COL28A1: variants seen among roughly 807,000 people sequenced by gnomAD.
The protein encoded by COL28A1 is collagen type XXVIII alpha 1 chain, also known as collagen alpha-1(XXVIII) chain.
COL28A1 carries 161 observed loss-of-function variants against 150.2 expected under a neutral mutation model. The observed-to-expected ratio is 1.07, with a 90% CI of 0.94 to 1.22. The LOEUF is 1.22. COL28A1 is among the 50% of genes most tolerant of loss of function. The probability of loss-of-function intolerance (pLI) is 0.00; values close to 1 mark genes in which losing one functional copy is unlikely to be tolerated. For missense variants in COL28A1, 1,617 were observed against 1,388.3 expected, an observed-to-expected ratio of 1.16 and a Z score of -2.62; for synonymous variants, 552 against 469.7, an observed-to-expected ratio of 1.18 and a Z score of -2.26.
At position 7,520,237 on chromosome 7, in the gene COL28A1, C is replaced by G; in HGVS notation, c.760-122G>C. On this transcript the variant is annotated intron_variant, in intron 5 of 34. Transcript: ENST00000399429. ...GGAGAATTGTAAAACCTTTACCTGC[C>G]AAGCAGAAATTCAATTCTCTTCTCC... 7.4e-6 allele frequency: 4 copies of G among 543,420 alleles called. No homozygotes were observed. In the South Asian group the frequency reaches 1.4e-4, roughly 19 times the overall value. 33.7% of individuals were successfully genotyped at this position (543,420 alleles called of 1,614,324 possible).
intron 20 of COL28A1, 21 bp downstream of exon 20, chr7:7,443,564 C>G: frequency 6.2e-7 from 1 of 1,613,806 alleles, no homozygotes; most frequent in South Asian, 1.1e-5. Context: ...GCTGCTTCCA[C>G]CAACACTGTC....
the COL28A1 span, among the ~76,000 whole-genome samples, chr7:7,541,366 T>C: frequency 6.6e-6 from 1 of 152,232 alleles, no homozygotes; most frequent in Non-Finnish European, 1.5e-5. Context: ...TACTAAATTC[T>C]ACACAGAAAT....
intron 33 of COL28A1, among the ~76,000 whole-genome samples, chr7:7,362,265 T>A (rs1306851818): frequency 1.3e-5 from 2 of 152,244 alleles, no homozygotes; most frequent in Non-Finnish European, 2.9e-5. Context: ...TTTGCAAATT[T>A]TTCCTTGGAT....
At chr7:7,464,461 G>C (rs1314695820) in intron 15 of COL28A1, among the ~76,000 whole-genome samples, 1 of 152,164 alleles carries the variant, frequency 6.6e-6, no homozygotes, top group African/African-American at 2.4e-5. Flanking sequence ...ATACCAAGCA[G>C]TCTTTCAGAC....
chr7:7,427,082 A>G (rs1236227417), intron 25 of COL28A1, among the ~76,000 whole-genome samples: 1 of 152,244 alleles, frequency 6.6e-6, no homozygotes, highest in Non-Finnish European at 1.5e-5. Flanking sequence ...ACTCATAAGA[A>G]GAGAAATACA....
At chr7:7,542,219 A>G in the COL28A1 span, among the ~76,000 whole-genome samples, 1 of 152,174 alleles carries the variant, frequency 6.6e-6, no homozygotes, top group Non-Finnish European at 1.5e-5. Context: ...GTGGTGGTGC[A>G]TGCCTGTAAT....
chr7:7,506,380 C>A (rs560308443), intron 10 of COL28A1, among the ~76,000 whole-genome samples: 22 of 152,256 alleles, frequency 1.4e-4, no homozygotes, highest in African/African-American at 5.3e-4. Context: ...TAAGTATCTT[C>A]TTTTTTAAAA....
chr7:7,476,550 C>G (rs1050306565), intron 14 of COL28A1, among the ~76,000 whole-genome samples: 1 of 152,196 alleles, frequency 6.6e-6, no homozygotes, highest in Non-Finnish European at 1.5e-5. Flanking sequence ...AAAATATTTG[C>G]TATCTGCCCC....
chr7:7,369,560 T>A (rs1781110437), intron 33 of COL28A1, among the ~76,000 whole-genome samples: 1 of 152,228 alleles, frequency 6.6e-6, no homozygotes, highest in African/African-American at 2.4e-5. Flanking sequence ...TTTAGTAGAA[T>A]CTATTGCCCT....
At chr7:7,515,893 GA>G in intron 7 of COL28A1, 53 bp from the exon 8 acceptor site, 1 of 816,862 alleles carries the variant, frequency 1.2e-6, no homozygotes, top group South Asian at 1.4e-5. Context: ...GGCAGAATTA[GA>G]ATAAGGATTA....
At chr7:7,503,189 T>C (rs1460587471) in intron 11 of COL28A1, among the ~76,000 whole-genome samples, 3 of 152,206 alleles carry the variant, frequency 2.0e-5, no homozygotes, top group Admixed American at 6.5e-5. Context: ...ATATGGTAGC[T>C]AAGAGCAGAC....
chr7:7,407,541 T>A (rs756939507), intron 27 of COL28A1, among the ~76,000 whole-genome samples: 1 of 152,102 alleles, frequency 6.6e-6, no homozygotes, highest in African/African-American at 2.4e-5. Context: ...AAATCTTTCA[T>A]GCCCTCAGAG....
At chr7:7,383,280 GTGTGTGTGTTTT>G (rs1180968476) in intron 27 of COL28A1, among the ~76,000 whole-genome samples, 3 of 139,930 alleles carry the variant, frequency 2.1e-5, no homozygotes, top group East Asian at 4.5e-4. Flanking sequence ...GTGTGTGTGT[GTGTGTGTGTTTT>G]TTTTGAGACA....
chr7:7,397,816 C>T lies in COL28A1; in HGVS notation c.2137-16204G>A, dbSNP rs79095700. Among the ~76,000 whole-genome samples the T allele has an allele frequency of 5.5e-3, 843 of 152,286 alleles. 7 individuals carry two copies. The highest frequency in any genetic ancestry group is 0.02 in the African/African-American group (813 of 41,564). Reference sequence around the variant, plus strand: ...ACAAATTGGGCATAAGAGTGAGGTCCACCCACCAGCCAAACAGAGCACCTA... The same window carrying T: ...ACAAATTGGGCATAAGAGTGAGGTCTACCCACCAGCCAAACAGAGCACCTA... On this transcript the variant is annotated intron_variant, in intron 27 of 34. Coordinates refer to ENST00000399429, the MANE Select transcript of COL28A1 (RefSeq NM_001037763.3).
intron 13 of COL28A1, among the ~76,000 whole-genome samples, chr7:7,478,076 G>C (rs941027206): frequency 1.3e-5 from 2 of 152,072 alleles, no homozygotes; most frequent in Non-Finnish European, 2.9e-5. Context: ...GCTAGACACA[G>C]AGTGCCGATT....
At chr7:7,420,003 G>T (rs1056629832) in intron 25 of COL28A1, 50 bp from the exon 26 acceptor site, 3 of 1,006,356 alleles carry the variant, frequency 3.0e-6, no homozygotes, top group East Asian at 3.4e-5. Flanking sequence ...AAGACTTTAT[G>T]TTTTTTTCAA....
At chr7:7,452,433 A>G in intron 17 of COL28A1, 46 bp from the exon 18 acceptor site, 1 of 1,563,830 alleles carries the variant, frequency 6.4e-7, no homozygotes, top group Non-Finnish European at 8.6e-7. Flanking sequence ...AAAATAATAT[A>G]TTCCTGCTGT....
chr7:7,433,110 T>G (rs1004096806), intron 23 of COL28A1, among the ~76,000 whole-genome samples: 1 of 152,180 alleles, frequency 6.6e-6, no homozygotes, highest in Non-Finnish European at 1.5e-5. Flanking sequence ...ACTCATATCT[T>G]GAGACCTAGG....
At position 7,381,616 on chromosome 7, in the gene COL28A1, C is replaced by A; in HGVS notation, c.2137-4G>T. ...AGCCTTGTGGTCCTTGTTCCCCCTA[C>A]ATAGGATATGAGAAAGAGATGTTCT... On this transcript the variant is annotated splice_region_variant and splice_polypyrimidine_tract_variant and intron_variant, in intron 27 of 34. Transcript: ENST00000399429. 2 of 1,610,856 alleles carry A rather than the reference C, an allele frequency of 1.2e-6. No individual in the cohort carries two copies. The highest frequency in any genetic ancestry group is 1.7e-5 in the Admixed American group (1 of 60,016).
Sources: allele counts gnomAD v4.1 joint callset (sites outside exome capture counted in the v4.1 genomes callset), GRCh38; gene constraint gnomAD v4.1.1; transcripts MANE v1.5; gene names NCBI Gene and HGNC (gene_info 2026-07-23, HGNC 2026-07-21).